Variants in ZNF3 observed in about 807,000 individuals in gnomAD.
The protein encoded by ZNF3 is zinc finger protein 3.
A neutral mutation model predicts 36.9 loss-of-function variants in ZNF3; 16 were observed. The observed-to-expected ratio is 0.43, with a 90% confidence interval of 0.29 to 0.66. The LOEUF is 0.66. ZNF3 is among the 30% of genes least tolerant of loss of function. The probability of loss-of-function intolerance (pLI) is 0.13; values close to 1 mark genes in which losing one functional copy is unlikely to be tolerated. For missense variants in ZNF3, 462 were observed against 543.1 expected (o/e 0.85, Z 1.48); for synonymous variants, 201 against 201.9 (o/e 1.00, Z 0.04).
downstream of ZNF3, among the ~76,000 whole-genome samples, chr7:100,068,704 T>C (rs28773584): frequency 7.2e-4 from 110 of 152,152 alleles, no homozygotes; most frequent in African/African-American, 2.5e-3. Flanking sequence ...TGCTCTGTTA[T>C]CGTGTGGTGG....
Position 100,071,250 on chromosome 7 carries a change from C to A in ZNF3, c.1234G>T (p.Val412Phe). ...GKAFRYSSAL[V>F]RHQRIHTGEK... Reference sequence around the variant, plus strand: ...CCAGTGTGAATTCTCTGATGGCGAACAAGAGCCGAGCTGTACCTGAAGGCT... The same window carrying A: ...CCAGTGTGAATTCTCTGATGGCGAAAAAGAGCCGAGCTGTACCTGAAGGCT... The change falls in exon 6 of 6, where the codon GTT (valine) becomes TTT (phenylalanine). Residue 412 changes from valine to phenylalanine, a missense_variant. Val to Phe is a conservative substitution (Grantham distance 50). Coordinates refer to ENST00000299667, the MANE Select transcript of ZNF3 (RefSeq NM_032924.5). 8 of 1,614,188 alleles carry A rather than the reference C, an allele frequency of 5.0e-6. No homozygotes were observed. Among genetic ancestry groups the A allele is most frequent in the Non-Finnish European group, 6.8e-6 (8 of 1,180,030 alleles).
chr7:100,063,940 G>A (rs1287651733), downstream of ZNF3: 3 of 1,613,950 alleles, frequency 1.9e-6, no homozygotes, highest in African/African-American at 4.0e-5. Context: ...AAATGAAAAA[G>A]GAACAAAACC....
chr7:100,077,788 G>T (rs976329991), intron 2 of ZNF3: 1 of 155,118 alleles, frequency 6.4e-6, no homozygotes, highest in African/African-American at 2.4e-5. Flanking sequence ...GGAGTGCAAT[G>T]GCGCAATCTC....
In ZNF3 at chr7:100,070,105, A is replaced by G; in HGVS notation, c.*1038T>C. ...GGAGTGCCATCCTCACCCAGCAACGAGCTCTGCTACCAGGCTCAGGCACAG... is the reference window on the plus strand; with the variant it reads ...GGAGTGCCATCCTCACCCAGCAACGGGCTCTGCTACCAGGCTCAGGCACAG... On this transcript the variant is annotated 3_prime_UTR_variant, in exon 6 of 6. Transcript: ENST00000299667. 2.0e-6 allele frequency: 2 copies of G among 985,046 alleles called. No individual in the cohort carries two copies. Among genetic ancestry groups the G allele is most frequent in the Non-Finnish European group, 2.4e-6 (2 of 829,824 alleles). 61.0% of individuals were successfully genotyped at this position (985,046 alleles called of 1,614,324 possible).
At position 100,070,047 on chromosome 7, in the gene ZNF3, T is replaced by C. The variant is rs767334755; in HGVS notation, c.*1096A>G. ...GATGAGCAGGGTTGGGAAAACACAA[T>C]GGAAGGTCATCCCGTCGGTTGGGAA... On this transcript the variant is annotated 3_prime_UTR_variant, in exon 6 of 6. Coordinates refer to ENST00000299667, the MANE Select transcript of ZNF3 (RefSeq NM_032924.5). The C allele has an allele frequency of 8.1e-6, 8 of 985,856 alleles. No individual in the cohort carries two copies. The highest frequency in any genetic ancestry group is 9.6e-6 in the Non-Finnish European group (8 of 829,930). The allele number at this position is 985,856 out of a possible 1,614,324, so 61.1% of individuals were successfully genotyped here. A position where few individuals can be genotyped will look rare whatever the true frequency, so the allele number is the denominator to read the frequency against.
Position 100,071,169 on chromosome 7 carries a change from C to T in ZNF3, c.1315G>A (p.Glu439Lys), listed in dbSNP as rs201293024. 6.1e-5 allele frequency: 97 copies of T among 1,598,700 alleles called. No individual in the cohort carries two copies. Among genetic ancestry groups the T allele is most frequent in the Non-Finnish European group, 8.2e-5 (96 of 1,171,524 alleles). ...CACGTGGACTCTCTGATATTTAACT[C>T]GGTCGTAACTCTGAGGGAGCTTTTG... ...MSKSSLRVTT[E>K]LNIREST The change falls in exon 6 of 6, where the codon GAG becomes AAG. Residue 439 changes from glutamate (E) to lysine (K), a missense_variant. Physicochemically the swap from Glu to Lys is moderately conservative, Grantham distance 56. Transcript: ENST00000299667.
intron 5 of ZNF3, among the ~76,000 whole-genome samples, chr7:100,074,888 A>G (rs1157603522): frequency 1.3e-5 from 2 of 152,070 alleles, no homozygotes; most frequent in African/African-American, 4.8e-5. Context: ...AAAAAAAACA[A>G]AACAAATACA....
rs1794271237 is a variant in ZNF3, at chr7:100,077,217, T to G, written c.55+86A>C. On this transcript the variant is annotated intron_variant, in intron 3 of 5. Transcript: ENST00000299667. ...CTTATTCACATCTGGATTCTAGTAG[T>G]TAGCCTAGTACCTGGTAAGTGAGCG... 4 of 1,535,446 alleles carry G rather than the reference T, an allele frequency of 2.6e-6. No homozygotes were observed. In the African/African-American group the frequency reaches 4.1e-5, roughly 16 times the overall value.
chr7:100,072,130 C>A lies in ZNF3; in HGVS notation c.354G>T (p.Lys118Asn), dbSNP rs1379486662. The change falls in exon 6 of 6, where the codon AAG becomes AAT. Residue 118 changes from lysine (K) to asparagine (N), a missense_variant. Physicochemically the swap from Lys to Asn is moderately conservative, Grantham distance 94. Coordinates refer to ENST00000299667, the MANE Select transcript of ZNF3 (RefSeq NM_032924.5). The stretch of plus-strand genomic sequence containing the variant: ...TAAACTTGAGACCCTGAGAAATATC[C>A]TTTTGAAATCTTCCCAGTAGGACCC... ...SHGVLLGRFQ[K>N]DISQGLKFKE... 1 of 1,613,706 alleles carries A rather than the reference C, an allele frequency of 6.2e-7. No homozygotes were observed. Among genetic ancestry groups the A allele is most frequent in the Admixed American group, 1.7e-5 (1 of 59,900 alleles).
At position 100,075,741 on chromosome 7, in the gene ZNF3, CCT is replaced by C. The variant is rs367944098; in HGVS notation, c.56-113_56-112del. On this transcript the variant is annotated intron_variant, in intron 3 of 5. Coordinates refer to ENST00000299667, the MANE Select transcript of ZNF3 (RefSeq NM_032924.5). Reference sequence around the variant, plus strand: ...CCGGGGTCCTGGGACAACACAGGACCCTCTCTCTCACATTTCTAAGTTTGCTT... The same window carrying C: ...CCGGGGTCCTGGGACAACACAGGACCCTCTCTCACATTTCTAAGTTTGCTT... 1,301 of 925,274 alleles carry C rather than the reference CCT, an allele frequency of 1.4e-3. 7 individuals are homozygous for C. The highest frequency in any genetic ancestry group is 9.9e-3 in the Middle Eastern group (44 of 4,452). 57.3% of individuals were successfully genotyped at this position (925,274 alleles called of 1,614,324 possible). A position where few individuals can be genotyped will look rare whatever the true frequency, so the allele number is the denominator to read the frequency against.
chr7:100,064,168 A>C (rs1458424499), exon 6 of ZNF3: 5 of 1,614,184 alleles, frequency 3.1e-6, no homozygotes, highest in East Asian at 4.5e-5. Flanking sequence ...CCTCCACTAC[A>C]GAACACACTT....
At position 100,071,316 on chromosome 7, in the gene ZNF3, G is replaced by C. The variant is rs1475558621; in HGVS notation, c.1168C>G (p.His390Asp). The C allele has an allele frequency of 6.2e-7, 1 of 1,614,148 alleles. No homozygotes were observed. The highest frequency in any genetic ancestry group is 8.5e-7 in the Non-Finnish European group (1 of 1,180,028). The change falls in exon 6 of 6, where the codon CAC (histidine) becomes GAC (aspartate). Residue 390 changes from histidine (H) to aspartate (D), a missense_variant. Physicochemically the swap from His to Asp is moderately conservative, Grantham distance 81. Transcript: ENST00000299667. ...SSGLIQHQRI[H>D]TGENPYECSE... ...CATTCATAGGGGTTCTCCCCGGTGT[G>C]GATTCTTTGATGCTGAATAAGGCCT...
chr7:100,072,313 C>T, intron 5 of ZNF3, 101 bp from the exon 6 acceptor site: 1 of 1,091,714 alleles, frequency 9.2e-7, no homozygotes, highest in Non-Finnish European at 1.3e-6. Flanking sequence ...GTGCCAAAAG[C>T]ACATGCCTAC....
At chr7:100,078,743 A>G (rs969534558) in intron 2 of ZNF3, 2 of 152,122 alleles carry the variant, frequency 1.3e-5, no homozygotes, top group African/African-American at 4.8e-5. Flanking sequence ...TCTACCTCTC[A>G]TTATCTCTTT....
chr7:100,075,454 G>A (rs537317866), intron 4 of ZNF3, 88 bp downstream of exon 4: 9 of 1,538,128 alleles, frequency 5.9e-6, no homozygotes, highest in Non-Finnish European at 3.6e-6. Flanking sequence ...CCATGGGCCT[G>A]ATGGAGGAGA....
At position 100,071,575 on chromosome 7, in the gene ZNF3, C is replaced by CT. The variant is rs774699744; in HGVS notation, c.908dup (p.Arg304GlufsTer6). 1 of 1,614,116 alleles carries CT rather than the reference C, an allele frequency of 6.2e-7. No homozygotes were observed. Among genetic ancestry groups the CT allele is most frequent in the South Asian group, 1.1e-5 (1 of 91,088 alleles). ...AGGGTTTCTCACCAGTGTGGATTCT[C>CT]TGATGGTGGGTGAGGGTGGAGCTCC... On this transcript the variant is annotated frameshift_variant, in exon 6 of 6. Transcript: ENST00000299667. LOFTEE classifies it high-confidence loss of function.
At chr7:100,082,370 G>A (rs1346162235), upstream of ZNF3, 1 of 152,218 alleles carries the variant, frequency 6.6e-6, no homozygotes, top group Non-Finnish European at 1.5e-5. Flanking sequence ...GATCACCTGA[G>A]GTCAGGAGTT....
At position 100,070,082 on chromosome 7, in the gene ZNF3, A is replaced by G. The variant is rs956105014; in HGVS notation, c.*1061T>C. The stretch of plus-strand genomic sequence containing the variant: ...TCCCGTCGGTTGGGAAAACTCGGGG[A>G]GTGCCATCCTCACCCAGCAACGAGC... On this transcript the variant is annotated 3_prime_UTR_variant, in exon 6 of 6. Coordinates refer to ENST00000299667, the MANE Select transcript of ZNF3 (RefSeq NM_032924.5). 1.0e-6 allele frequency: 1 copy of G among 985,722 alleles called. No homozygotes were observed. The highest frequency in any genetic ancestry group is 1.2e-6 in the Non-Finnish European group (1 of 829,946). 61.1% of individuals were successfully genotyped at this position (985,722 alleles called of 1,614,324 possible).
At position 100,070,598 on chromosome 7, in the gene ZNF3, C is replaced by T; in HGVS notation, c.*545G>A. 1.0e-6 allele frequency: 1 copy of T among 987,020 alleles called. No individual in the cohort carries two copies. Among genetic ancestry groups the T allele is most frequent in the Non-Finnish European group, 1.2e-6 (1 of 830,976 alleles). The allele number at this position is 987,020 out of a possible 1,614,324, so 61.1% of individuals were successfully genotyped here. On this transcript the variant is annotated 3_prime_UTR_variant, in exon 6 of 6. Coordinates refer to ENST00000299667, the MANE Select transcript of ZNF3 (RefSeq NM_032924.5). ...TCATCACAGATGATGATTCTGGAAT[C>T]TCTTCTACCCTCAATAAAATAATCC...
Sources: allele counts gnomAD v4.1 joint callset (sites outside exome capture counted in the v4.1 genomes callset), GRCh38; gene constraint gnomAD v4.1.1; transcripts MANE v1.5; gene names NCBI Gene and HGNC (gene_info 2026-07-23, HGNC 2026-07-21).